The following FILIP1L variants were observed in gnomAD, a reference collection of about 807,000 sequenced individuals.
FILIP1L encodes the protein filamin A interacting protein 1 like.
In FILIP1L, 55 loss-of-function variants were observed where a neutral mutation model predicts 96.6. The ratio of observed to expected loss-of-function variants is 0.57; its 90% CI spans 0.46 to 0.71. FILIP1L has a LOEUF of 0.71. Ranked by LOEUF, FILIP1L falls within the 30% of genes least tolerant of loss-of-function variation. The pLI is 0.00. For synonymous variants in FILIP1L, 467 were observed against 473.9 expected (o/e 0.99, Z 0.19); for missense variants, 1,304 against 1,321.2 (o/e 0.99, Z 0.20).
intron 1 of FILIP1L, among the ~76,000 whole-genome samples, chr3:100,066,077 TAGAG>T (rs1322232494): frequency 2.6e-5 from 4 of 152,194 alleles, no homozygotes; most frequent in African/African-American, 2.4e-5. Flanking sequence ...TAAGAGAACT[TAGAG>T]AGATGGTCTT....
intron 1 of FILIP1L, among the ~76,000 whole-genome samples, chr3:100,018,105 G>A (rs1710398145): frequency 6.6e-6 from 1 of 152,196 alleles, no homozygotes; most frequent in East Asian, 1.9e-4. Context: ...GAGGCGGGCA[G>A]ATCACCAGGT....
rs79749591 is a variant in FILIP1L at position 100,035,850 on chromosome 3, C to T, written c.-11+78203G>A. Among the ~76,000 whole-genome samples the T allele has an allele frequency of 6.2e-3, 939 of 152,300 alleles. 6 individuals carry two copies. Among genetic ancestry groups the T allele is most frequent in the African/African-American group, 0.018 (744 of 41,556 alleles). ...GTTACATCTTTATTCCTTTCCCCCACATTGGATTCTTTGAAAGCAAATCAC... is the reference window on the plus strand; with the variant it reads ...GTTACATCTTTATTCCTTTCCCCCATATTGGATTCTTTGAAAGCAAATCAC... On this transcript the variant is annotated intron_variant, in intron 1 of 5. Transcript: ENST00000477258.
rs1280929696 is a variant in FILIP1L at position 99,849,360 on chromosome 3, C to T, written c.2316G>A (p.Glu772=). The stretch of plus-strand genomic sequence containing the variant: ...GGCTCTTACTGAAATGCCGGTACCT[C>T]TCTAACTCCTTAGTGAGGTTTTCAA... ...REIENLTKEL[E]RYRHFSKSLR... Residue 772 remains glutamate, a synonymous_variant, in exon 5 of 6, where the codon GAG becomes GAA. Transcript: ENST00000477258. The T allele has an allele frequency of 2.5e-6, 4 of 1,614,074 alleles. No homozygotes were observed. In the Admixed American group the frequency reaches 5.0e-5, roughly 20 times the overall value.
chr3:99,835,741 AG>A (rs1942870056), intron 5 of FILIP1L, among the ~76,000 whole-genome samples: 1 of 152,194 alleles, frequency 6.6e-6, no homozygotes, highest in African/African-American at 2.4e-5. Flanking sequence ...ATAGCATAGG[AG>A]GGGTAACAAA....
At chr3:100,029,350 A>T (rs893350258) in intron 1 of FILIP1L, among the ~76,000 whole-genome samples, 1 of 152,060 alleles carries the variant, frequency 6.6e-6, no homozygotes, top group Non-Finnish European at 1.5e-5. Flanking sequence ...GATTATGATA[A>T]TTGTTCAATA....
intron 1 of FILIP1L, among the ~76,000 whole-genome samples, chr3:100,004,013 C>G (rs1709917221): frequency 6.6e-6 from 1 of 152,082 alleles, no homozygotes; most frequent in African/African-American, 2.4e-5. Context: ...CATGTCTGTT[C>G]CCACCTGCCT....
chr3:100,060,900 G>C (rs1450970085), intron 1 of FILIP1L, among the ~76,000 whole-genome samples: 3 of 152,060 alleles, frequency 2.0e-5, no homozygotes, highest in Admixed American at 1.3e-4. Context: ...GCATCTCTTT[G>C]AGCCATACAG....
At chr3:99,874,284 A>G (rs1167718936) in intron 4 of FILIP1L, 1 of 152,236 alleles carries the variant, frequency 6.6e-6, no homozygotes, top group East Asian at 1.9e-4. Context: ...TACTCTGGGT[A>G]TACCTGAAAC....
At chr3:99,953,475 A>G (rs1034596590) in intron 1 of FILIP1L, among the ~76,000 whole-genome samples, 4 of 152,140 alleles carry the variant, frequency 2.6e-5, no homozygotes, top group East Asian at 3.9e-4. Flanking sequence ...CTGGAGTTGT[A>G]TAATTATTAT....
chr3:99,833,134 A>G, intron 5 of FILIP1L: 2 of 999,338 alleles, frequency 2.0e-6, no homozygotes, highest in Non-Finnish European at 3.1e-6. Context: ...CAAGTTGGAA[A>G]GCTCATTCAT....
At chr3:99,883,068 C>T (rs1012785641) in intron 4 of FILIP1L, among the ~76,000 whole-genome samples, 3 of 152,176 alleles carry the variant, frequency 2.0e-5, no homozygotes, top group African/African-American at 7.2e-5. Flanking sequence ...ATCCAGTCTA[C>T]ATCATAAAAT....
At chr3:99,913,737 G>C (rs929556624) in intron 4 of FILIP1L, among the ~76,000 whole-genome samples, 1 of 152,182 alleles carries the variant, frequency 6.6e-6, no homozygotes, top group African/African-American at 2.4e-5. Context: ...CTATGTGCGT[G>C]ACCCTGAAGC....
At chr3:99,949,809 T>G (rs1359499901) in intron 1 of FILIP1L, among the ~76,000 whole-genome samples, 1 of 152,192 alleles carries the variant, frequency 6.6e-6, no homozygotes, top group African/African-American at 2.4e-5. Context: ...GAATGAGACT[T>G]ACATGTAGAA....
chr3:100,081,872 T>TG (rs767401422), intron 1 of FILIP1L, among the ~76,000 whole-genome samples: 4 of 152,222 alleles, frequency 2.6e-5, no homozygotes, highest in Non-Finnish European at 5.9e-5. Flanking sequence ...GCCTCTACCA[T>TG]GCCAGTAGCA....
intron 1 of FILIP1L, among the ~76,000 whole-genome samples, chr3:99,957,233 A>G (rs1391831713): frequency 1.3e-5 from 2 of 152,264 alleles, no homozygotes; most frequent in African/African-American, 4.8e-5. Flanking sequence ...GTGATAAAGC[A>G]TGGAAAGTAG....
At position 99,849,691 on chromosome 3, in the gene FILIP1L, C is replaced by T. The variant is rs1576509945; in HGVS notation, c.1985G>A (p.Arg662Lys). The change falls in exon 5 of 6, where the codon AGG (arginine) becomes AAG (lysine). Residue 662 changes from arginine to lysine, a missense_variant. Coordinates refer to ENST00000477258, the MANE Select transcript of FILIP1L (RefSeq NM_001387850.1). ...TEDEYETLER[R>K]YANERDKAQF... Reference sequence around the variant, plus strand: ...AGCTTTGTCTCGTTCATTAGCATACCTTCGTTCTAGAGTCTCATATTCATC... The same window carrying T: ...AGCTTTGTCTCGTTCATTAGCATACTTTCGTTCTAGAGTCTCATATTCATC... 1 of 1,613,452 alleles carries T rather than the reference C, an allele frequency of 6.2e-7. No homozygotes were observed. Among genetic ancestry groups the T allele is most frequent in the Non-Finnish European group, 8.5e-7 (1 of 1,179,934 alleles).
At chr3:99,949,187 A>G (rs938101652) in intron 1 of FILIP1L, among the ~76,000 whole-genome samples, 4 of 152,344 alleles carry the variant, frequency 2.6e-5, no homozygotes, top group Middle Eastern at 3.4e-3. Flanking sequence ...TAAGATTATA[A>G]CTAAAGAAAA....
chr3:99,960,659 T>C (rs569211346), intron 1 of FILIP1L, among the ~76,000 whole-genome samples: 3 of 152,228 alleles, frequency 2.0e-5, no homozygotes, highest in South Asian at 4.1e-4. Context: ...AGGGGAGAAG[T>C]AGGGGAGTCC....
At chr3:99,875,086 C>G (rs928507213) in intron 4 of FILIP1L, among the ~76,000 whole-genome samples, 2 of 152,112 alleles carry the variant, frequency 1.3e-5, no homozygotes, top group Non-Finnish European at 2.9e-5. Flanking sequence ...TATGTTTAGA[C>G]CAGATAAGGA....
Sources: allele counts gnomAD v4.1 joint callset (sites outside exome capture counted in the v4.1 genomes callset), GRCh38; gene constraint gnomAD v4.1.1; transcripts MANE v1.5; gene names NCBI Gene and HGNC (gene_info 2026-07-23, HGNC 2026-07-21).